Variants in UBE2Q1 observed in about 807,000 individuals in gnomAD.
The protein encoded by UBE2Q1 is ubiquitin conjugating enzyme E2 Q1, also known as ubiquitin-conjugating enzyme E2 Q1.
UBE2Q1 carries 6 observed loss-of-function variants against 60.1 expected under a neutral mutation model. The observed-to-expected ratio is 0.10, with a 90% CI of 0.05 to 0.20. The LOEUF (loss-of-function observed/expected upper bound fraction) is 0.20, where lower values mean the gene tolerates loss of function less well. UBE2Q1 is among the 10% of genes least tolerant of loss of function. UBE2Q1 has a pLI of 1.00. For missense variants in UBE2Q1, 262 were observed against 525.8 expected (o/e 0.50, Z 4.91); for synonymous variants, 226 against 208.3 (o/e 1.09, Z -0.73).
chr1:154,555,488 G>C lies in UBE2Q1; in HGVS notation c.477C>G (p.Leu159=), dbSNP rs371981564. 5.6e-6 allele frequency: 9 copies of C among 1,614,158 alleles called. No homozygotes were observed. Among genetic ancestry groups the C allele is most frequent in the Admixed American group, 1.7e-5 (1 of 60,022 alleles). The change falls in exon 3 of 13, where the codon CTC becomes CTG. Residue 159 remains leucine (L), a synonymous_variant. Coordinates refer to ENST00000292211, the MANE Select transcript of UBE2Q1 (RefSeq NM_017582.7). ...LKRIISDLCK[L]YNLPQHPDVE... is the part of the protein sequence containing the mutation. ...CATCTGGATGCTGAGGGAGGTTATA[G>C]AGTTTACACAGGTCGGAGATGATCC...
intron 1 of UBE2Q1, among the ~76,000 whole-genome samples, chr1:154,557,167 A>C (rs1257310832): frequency 6.6e-6 from 1 of 152,240 alleles, no homozygotes; most frequent in South Asian, 2.1e-4. Context: ...AACGGACAGA[A>C]AACACCAGTA....
At chr1:154,556,233 A>C (rs7550664) in intron 1 of UBE2Q1, among the ~76,000 whole-genome samples, 27,192 of 151,956 alleles carry the variant, frequency 0.18, 2,553 homozygotes, top group African/African-American at 0.22. Context: ...AAACCAGGAA[A>C]CCTAGCACAG....
chr1:154,553,099 C>A lies in UBE2Q1; in HGVS notation c.662G>T (p.Gly221Val). 2 of 1,614,092 alleles carry A rather than the reference C, an allele frequency of 1.2e-6. No individual in the cohort carries two copies. Among genetic ancestry groups the A allele is most frequent in the Non-Finnish European group, 1.7e-6 (2 of 1,180,032 alleles). Residue 221 changes from glycine to valine, a missense_variant, in exon 5 of 13, where the codon GGC becomes GTC. Gly to Val is a moderately radical substitution (Grantham distance 109, BLOSUM62 -3). This residue lies in a region of UBE2Q1 where 111 missense variants were observed against 266.8 expected (regional missense o/e 0.42). Transcript: ENST00000292211. Reference protein sequence around the residue: ...PAEGKKSEDDGIGKENLAILE... With the variant: ...PAEGKKSEDDVIGKENLAILE... ...GATGGCCAAGTTTTCTTTTCCAATG[C>A]CATCATCTTCAGATTTCTTGCCCTC... is the stretch of plus-strand genomic sequence containing the variant.
chr1:154,551,633 G>A (rs1182606357), intron 10 of UBE2Q1, 138 bp downstream of exon 10: 12 of 1,448,990 alleles, frequency 8.3e-6, no homozygotes, highest in African/African-American at 2.8e-5. Context: ...TGTCTGTCTA[G>A]GTCAGTGGGT....
chr1:154,554,615 C>G (rs1695850392), intron 4 of UBE2Q1, 120 bp downstream of exon 4: 1 of 1,047,500 alleles, frequency 9.5e-7, no homozygotes, highest in Admixed American at 2.3e-5. Context: ...GTCAGTAAAT[C>G]TGTCTTTATT....
chr1:154,552,653 C>T (rs1430731215), intron 6 of UBE2Q1, 83 bp downstream of exon 6: 1 of 1,531,548 alleles, frequency 6.5e-7, no homozygotes, highest in Non-Finnish European at 8.9e-7. Flanking sequence ...CACTCCTGGA[C>T]CCCAGAACCT....
rs1381633463 is a variant in UBE2Q1 at position 154,550,255 on chromosome 1, TTC to T, written c.*181_*182del. 1 of 842,140 alleles carries T rather than the reference TTC, an allele frequency of 1.2e-6. No homozygotes were observed. Among genetic ancestry groups the T allele is most frequent in the Non-Finnish European group, 1.9e-6 (1 of 523,086 alleles). The allele number at this position is 842,140 out of a possible 1,614,324, so 52.2% of individuals were successfully genotyped here. A position where few individuals can be genotyped will look rare whatever the true frequency, so the allele number is the denominator to read the frequency against. ...AGTCAGTCTTGAGTACTTGAAACAGTTCTGTGTTTGTTTTTTTTCCTTAGCGT... is the reference window on the plus strand; with the variant it reads ...AGTCAGTCTTGAGTACTTGAAACAGTTGTGTTTGTTTTTTTTCCTTAGCGT... On this transcript the variant is annotated 3_prime_UTR_variant, in exon 13 of 13. Coordinates refer to ENST00000292211, the MANE Select transcript of UBE2Q1 (RefSeq NM_017582.7).
Position 154,555,409 on chromosome 1 carries a change from A to G in UBE2Q1, c.537+19T>C, listed in dbSNP as rs375238756. On this transcript the variant is annotated intron_variant, in intron 3 of 12. Coordinates refer to ENST00000292211, the MANE Select transcript of UBE2Q1 (RefSeq NM_017582.7). ...GGGCAACTCTGCACAACAGGGCCCG[A>G]GGCTCCTCAGCTGCTCACCTGCTCT... is the stretch of plus-strand genomic sequence containing the variant. 617 of 1,610,524 alleles carry G rather than the reference A, an allele frequency of 3.8e-4. 1 individual carries two copies. The highest frequency in any genetic ancestry group is 5.1e-4 in the Non-Finnish European group (599 of 1,177,182).
Position 154,552,218 on chromosome 1 carries a change from T to G in UBE2Q1, c.876-35A>C, listed in dbSNP as rs955330422. Reference sequence around the variant, plus strand: ...AACAAGCCTGGGCTCAGATGCCTGGTTCCACCTCAGGAGCTTCATAAGGGC... The same window carrying G: ...AACAAGCCTGGGCTCAGATGCCTGGGTCCACCTCAGGAGCTTCATAAGGGC... On this transcript the variant is annotated intron_variant, in intron 7 of 12. Coordinates refer to ENST00000292211, the MANE Select transcript of UBE2Q1 (RefSeq NM_017582.7). 6.8e-6 allele frequency: 11 copies of G among 1,613,134 alleles called. No homozygotes were observed. The African/African-American group carries it at 9.3e-5, about 14-fold the overall frequency.
In UBE2Q1 at chr1:154,554,801, G is replaced by A. The variant is rs768233777; in HGVS notation, c.538-16C>T. The A allele has an allele frequency of 4.3e-6, 7 of 1,612,578 alleles. No individual in the cohort carries two copies. The highest frequency in any genetic ancestry group is 5.9e-6 in the Non-Finnish European group (7 of 1,178,988). On this transcript the variant is annotated splice_polypyrimidine_tract_variant and intron_variant, in intron 3 of 12. Coordinates refer to ENST00000292211, the MANE Select transcript of UBE2Q1 (RefSeq NM_017582.7). ...CCTGTGTGCACTGCAGCAAGGAAGG[G>A]AAAGATGGAGATCAGAGCCCCAGTG...
rs1571007885 is a variant in UBE2Q1, at chr1:154,552,525, G to A, written c.815-61C>T. On this transcript the variant is annotated intron_variant, in intron 6 of 12. Transcript: ENST00000292211. Reference sequence around the variant, plus strand: ...GTCCAGGTGGTGAGTGGTCTCTAATGCAGACCCCTTTCCCAGACTGAGAGA... The same window carrying A: ...GTCCAGGTGGTGAGTGGTCTCTAATACAGACCCCTTTCCCAGACTGAGAGA... 1.9e-6 allele frequency: 3 copies of A among 1,578,506 alleles called. No individual in the cohort carries two copies. The East Asian group carries it at 6.7e-5, about 35-fold the overall frequency.
At chr1:154,552,956 T>C in intron 5 of UBE2Q1, 76 bp downstream of exon 5, 2 of 1,600,626 alleles carry the variant, frequency 1.2e-6, no homozygotes, top group Non-Finnish European at 1.7e-6. Context: ...CTCTCCATAC[T>C]GAGATGCGAT....
Position 154,558,612 on chromosome 1 carries a change from GCTCCGCCGCCGCCGCCGCCGC to G in UBE2Q1, c.-80_-60del. 1.1e-6 allele frequency: 1 copy of G among 946,252 alleles called. No homozygotes were observed. The highest frequency in any genetic ancestry group is 4.9e-5 in the South Asian group (1 of 20,392). 58.6% of individuals were successfully genotyped at this position (946,252 alleles called of 1,614,324 possible). ...CGGGAGCCTCCGGCCTGCGCTCCGG[GCTCCGCCGCCGCCGCCGCCGC>G]CGCCGCCGCCGCCGCGGTCCGCACT... is the stretch of plus-strand genomic sequence containing the variant. On this transcript the variant is annotated 5_prime_UTR_variant, in exon 1 of 13. Coordinates refer to ENST00000292211, the MANE Select transcript of UBE2Q1 (RefSeq NM_017582.7).
chr1:154,552,842 A>C, intron 5 of UBE2Q1, 22 bp from the exon 6 acceptor site: 2 of 1,613,266 alleles, frequency 1.2e-6, no homozygotes, highest in South Asian at 2.2e-5. Flanking sequence ...GGATGACAGG[A>C]ACATTCCTTG....
chr1:154,554,849 A>G (rs1695855102), intron 3 of UBE2Q1, 64 bp from the exon 4 acceptor site: 1 of 1,564,872 alleles, frequency 6.4e-7, no homozygotes, highest in East Asian at 2.3e-5. Flanking sequence ...GCAGCCTCCA[A>G]CCTACTCCCC....
At chr1:154,552,973 C>CTACT in intron 5 of UBE2Q1, 59 bp downstream of exon 5, 2 of 1,606,786 alleles carry the variant, frequency 1.2e-6, no homozygotes, top group Non-Finnish European at 1.7e-6. Flanking sequence ...CGATGGCCTA[C>CTACT]TACTTCCCAG....
chr1:154,555,223 T>C lies in UBE2Q1; in HGVS notation c.537+205A>G, dbSNP rs557922816. 7.9e-5 allele frequency among the ~76,000 whole-genome samples: 12 copies of C among 152,314 alleles called. No homozygotes were observed. In the East Asian group the frequency reaches 2.3e-3, roughly 29 times the overall value. On this transcript the variant is annotated intron_variant, in intron 3 of 12. Transcript: ENST00000292211. The stretch of plus-strand genomic sequence containing the variant: ...GGGATGCTGCCCATGAGAATGAATT[T>C]TGATATCAGAGATGAAGCTACCAGT...
chr1:154,552,329 C>A, intron 7 of UBE2Q1, 75 bp downstream of exon 7: 1 of 1,596,162 alleles, frequency 6.3e-7, no homozygotes, highest in South Asian at 1.1e-5. Context: ...ATGGGGCTGC[C>A]CTGGAGATCC....
At chr1:154,556,203 C>A (rs751212634) in intron 1 of UBE2Q1, among the ~76,000 whole-genome samples, 10 of 152,042 alleles carry the variant, frequency 6.6e-5, no homozygotes, top group Non-Finnish European at 1.2e-4. Flanking sequence ...GAAACCTTTT[C>A]TTTCTTTCCT....
Sources: gnomAD v4.1 joint callset for allele counts (sites outside exome capture counted in the v4.1 genomes callset) on GRCh38, gnomAD v4.1.1 for gene constraint, gnomAD v4.1.1 regional missense constraint, MANE v1.5 for transcripts, NCBI Gene and HGNC (gene_info 2026-07-23, HGNC 2026-07-21) for gene names.